COG6: variants seen among roughly 807,000 people sequenced by gnomAD.
COG6 encodes the protein conserved oligomeric Golgi complex subunit 6.
COG6 carries 74 observed loss-of-function variants against 88.8 expected under a neutral mutation model. The ratio of observed to expected loss-of-function variants is 0.83; its 90% CI spans 0.69 to 1.01. COG6 has a LOEUF of 1.01. Ranked by LOEUF, COG6 falls within the 50% of genes least tolerant of loss-of-function variation. COG6 has a pLI of 0.00. For missense variants in COG6, 800 were observed against 797.9 expected, an observed-to-expected ratio of 1.00 and a Z score of -0.03; for synonymous variants, 286 against 278.7, an observed-to-expected ratio of 1.03 and a Z score of -0.26.
At chr13:39,680,575 A>G (rs891950975) in intron 7 of COG6, among the ~76,000 whole-genome samples, 10 of 152,204 alleles carry the variant, frequency 6.6e-5, no homozygotes. Context: ...GTAGACCTGC[A>G]TTTGTTTCTG....
chr13:39,674,298 G>A (rs1301957672), intron 4 of COG6, among the ~76,000 whole-genome samples: 1 of 146,388 alleles, frequency 6.8e-6, no homozygotes, highest in African/African-American at 2.5e-5. Flanking sequence ...TTCTCATTTT[G>A]TTTTGCCATT....
intron 8 of COG6, among the ~76,000 whole-genome samples, chr13:39,687,069 C>G (rs1451659330): frequency 6.6e-6 from 1 of 152,034 alleles, no homozygotes; most frequent in African/African-American, 2.4e-5. Context: ...TTTTTGAGAA[C>G]TGTTATGGCT....
In COG6 at chr13:39,687,558, A is replaced by G; in HGVS notation, c.844A>G (p.Ile282Val). ...AAGAAGTACAGTTGTTCGTGGATTT[A>G]TTGATGCGCTCACAAGAGGGGGCCC... ...ARRSTVVRGF[I>V]DALTRGGPGG... is the part of the protein sequence containing the mutation. Residue 282 changes from isoleucine to valine, a missense_variant, in exon 9 of 19, where the codon ATT becomes GTT. Coordinates refer to ENST00000455146, the MANE Select transcript of COG6 (RefSeq NM_020751.3). 1.9e-6 allele frequency: 3 copies of G among 1,613,432 alleles called. No individual in the cohort carries two copies. Among genetic ancestry groups the G allele is most frequent in the Non-Finnish European group, 2.5e-6 (3 of 1,179,612 alleles).
chr13:39,656,619 C>G (rs1317819669), intron 1 of COG6, among the ~76,000 whole-genome samples: 1 of 151,778 alleles, frequency 6.6e-6, no homozygotes, highest in Non-Finnish European at 1.5e-5. Flanking sequence ...GAACATATGT[C>G]AAAGTTAGAG....
chr13:39,749,595 G>C lies in COG6; in HGVS notation c.1827-1351G>C, dbSNP rs560830489. On this transcript the variant is annotated intron_variant, in intron 18 of 18. Coordinates refer to ENST00000455146, the MANE Select transcript of COG6 (RefSeq NM_020751.3). Reference sequence around the variant, plus strand: ...AAAGTGCCATGGACATTCCACAAAGGAAGTAATTATTTCTAGCTCTAAAGA... The same window carrying C: ...AAAGTGCCATGGACATTCCACAAAGCAAGTAATTATTTCTAGCTCTAAAGA... 7.9e-5 allele frequency among the ~76,000 whole-genome samples: 12 copies of C among 152,220 alleles called. No homozygotes were observed. In the South Asian group the frequency reaches 2.5e-3, roughly 32 times the overall value.
chr13:39,668,011 T>C (rs539884881), intron 4 of COG6, among the ~76,000 whole-genome samples: 1 of 152,078 alleles, frequency 6.6e-6, no homozygotes, highest in East Asian at 1.9e-4. Context: ...CTTCAAAGCT[T>C]TTTTTTTAAA....
intron 18 of COG6, 38 bp from the exon 19 acceptor site, chr13:39,750,908 T>C: frequency 6.6e-7 from 1 of 1,523,474 alleles, no homozygotes; most frequent in Non-Finnish European, 9.1e-7. Context: ...TATATTTTTT[T>C]CAAATGATGT....
chr13:39,697,726 T>C (rs941785215), intron 12 of COG6, among the ~76,000 whole-genome samples: 1 of 151,996 alleles, frequency 6.6e-6, no homozygotes, highest in Non-Finnish European at 1.5e-5. Context: ...TTAGGCCTAC[T>C]GCAAGCTGCT....
chr13:39,667,866 T>A (rs748308754), intron 4 of COG6, among the ~76,000 whole-genome samples: 1 of 152,230 alleles, frequency 6.6e-6, no homozygotes, highest in Non-Finnish European at 1.5e-5. Context: ...TTTGATGATC[T>A]TTCCTGTTTT....
At chr13:39,687,250 C>T (rs1876702227) in intron 8 of COG6, among the ~76,000 whole-genome samples, 1 of 152,128 alleles carries the variant, frequency 6.6e-6, no homozygotes, top group African/African-American at 2.4e-5. Flanking sequence ...ACTGCTGCCT[C>T]TGCTTTAGTC....
intron 18 of COG6, among the ~76,000 whole-genome samples, chr13:39,741,423 G>A (rs553561387): frequency 2.6e-4 from 40 of 152,208 alleles, no homozygotes; most frequent in African/African-American, 9.1e-4. Flanking sequence ...ATGACCTGAT[G>A]GAGCTGAAAA....
rs757389439 is a variant in COG6, at chr13:39,751,520, T to C, written c.*427T>C. The C allele has an allele frequency of 7.8e-7, 1 of 1,284,564 alleles. No homozygotes were observed. The highest frequency in any genetic ancestry group is 1.0e-6 in the Non-Finnish European group (1 of 986,350). 79.6% of individuals were successfully genotyped at this position (1,284,564 alleles called of 1,614,324 possible). A position where few individuals can be genotyped will look rare whatever the true frequency, so the allele number is the denominator to read the frequency against. ...TTACCTAAAGATTCATTTGCTTTCTTTTAATATGAGTAGGCATACTTAGTA... is the reference window on the plus strand; with the variant it reads ...TTACCTAAAGATTCATTTGCTTTCTCTTAATATGAGTAGGCATACTTAGTA... On this transcript the variant is annotated 3_prime_UTR_variant, in exon 19 of 19. Transcript: ENST00000455146.
intron 18 of COG6, among the ~76,000 whole-genome samples, chr13:39,729,390 T>C (rs2138097116): frequency 6.6e-6 from 1 of 152,312 alleles, no homozygotes; most frequent in East Asian, 1.9e-4. Flanking sequence ...AGGAAACAGA[T>C]GGACAGATTT....
At chr13:39,764,034 A>C (rs531604631) in intron 18 of COG6, among the ~76,000 whole-genome samples, 3 of 151,888 alleles carry the variant, frequency 2.0e-5, no homozygotes, top group African/African-American at 7.2e-5. Context: ...CTAAACCTGG[A>C]GATGCCTTTG....
At chr13:39,728,738 C>T (rs565951505) in intron 18 of COG6, among the ~76,000 whole-genome samples, 4 of 151,728 alleles carry the variant, frequency 2.6e-5, no homozygotes, top group East Asian at 1.9e-4. Context: ...GATCTTGGCT[C>T]AGTGCAATCT....
At chr13:39,731,162 G>T (rs777866649) in intron 18 of COG6, among the ~76,000 whole-genome samples, 1 of 151,986 alleles carries the variant, frequency 6.6e-6, no homozygotes, top group Non-Finnish European at 1.5e-5. Flanking sequence ...TCTGTTTTTG[G>T]TTTTTTCCTG....
At chr13:39,721,022 A>G (rs373992336) in intron 15 of COG6, among the ~76,000 whole-genome samples, 3 of 152,068 alleles carry the variant, frequency 2.0e-5, no homozygotes, top group African/African-American at 7.2e-5. Flanking sequence ...GTAATGAAGA[A>G]TGGTTAATTT....
chr13:39,736,264 TC>T (rs1488131511), intron 18 of COG6, among the ~76,000 whole-genome samples: 1 of 152,170 alleles, frequency 6.6e-6, no homozygotes, highest in Non-Finnish European at 1.5e-5. Context: ...AGTAGTTCTT[TC>T]TTCTGTTTGA....
intron 18 of COG6, among the ~76,000 whole-genome samples, chr13:39,770,349 A>C (rs1437296734): frequency 2.4e-4 from 37 of 152,174 alleles, no homozygotes; most frequent in Admixed American, 2.4e-3. Flanking sequence ...CAACATTTCC[A>C]CAGGGCTTTC....
Sources: allele counts gnomAD v4.1 joint callset (sites outside exome capture counted in the v4.1 genomes callset), GRCh38; gene constraint gnomAD v4.1.1; transcripts MANE v1.5; gene names NCBI Gene and HGNC (gene_info 2026-07-23, HGNC 2026-07-21).